The following RBMS3 variants were observed in gnomAD, a reference collection of about 807,000 sequenced individuals.
The protein encoded by RBMS3 is RNA-binding motif, single-stranded-interacting protein 3.
A neutral mutation model predicts 66.8 loss-of-function variants in RBMS3; 27 were observed. The ratio of observed to expected loss-of-function variants is 0.40; its 90% confidence interval spans 0.30 to 0.56. RBMS3 has a LOEUF of 0.56. Among genes scored for constraint, RBMS3 ranks in the 20% least tolerant of loss-of-function variants. The probability of loss-of-function intolerance (pLI) is 0.40; values close to 1 mark genes in which losing one functional copy is unlikely to be tolerated. For missense variants in RBMS3, 513 were observed against 549.5 expected (o/e 0.93, Z 0.66); for synonymous variants, 188 against 183.0 (o/e 1.03, Z -0.22).
intron 4 of RBMS3, among the ~76,000 whole-genome samples, chr3:29,666,823 T>C (rs1404288173): frequency 6.6e-6 from 1 of 152,164 alleles, no homozygotes; most frequent in Non-Finnish European, 1.5e-5. Flanking sequence ...AGCATGCTTA[T>C]ACAAATGGGA....
chr3:29,667,310 G>T (rs759835395), intron 4 of RBMS3, among the ~76,000 whole-genome samples: 5 of 151,968 alleles, frequency 3.3e-5, no homozygotes, highest in Non-Finnish European at 5.9e-5. Flanking sequence ...TTTAATTCTC[G>T]GGCATTCTCT....
At chr3:29,724,722 G>A (rs1024948202) in intron 4 of RBMS3, among the ~76,000 whole-genome samples, 20 of 152,100 alleles carry the variant, frequency 1.3e-4, no homozygotes, top group Admixed American at 5.2e-4. Flanking sequence ...CTGAGACACC[G>A]TTTAAAAATA....
intron 4 of RBMS3, among the ~76,000 whole-genome samples, chr3:29,644,299 G>T (rs1300897352): frequency 6.6e-6 from 1 of 152,168 alleles, no homozygotes; most frequent in Admixed American, 6.5e-5. Flanking sequence ...TTTTGAACGG[G>T]TTTCAATCAC....
intron 10 of RBMS3, among the ~76,000 whole-genome samples, chr3:29,914,115 G>A (rs960493842): frequency 1.3e-5 from 2 of 151,898 alleles, no homozygotes; most frequent in African/African-American, 4.8e-5. Flanking sequence ...TTTATATGAG[G>A]TTATTCAGAG....
chr3:29,607,655 T>C (rs540919673), intron 4 of RBMS3, among the ~76,000 whole-genome samples: 6 of 152,104 alleles, frequency 3.9e-5, no homozygotes, highest in South Asian at 2.1e-4. Context: ...TGATTTTTTT[T>C]CCCAAATACC....
chr3:29,728,242 A>G (rs1446186793), intron 4 of RBMS3, among the ~76,000 whole-genome samples: 1 of 152,140 alleles, frequency 6.6e-6, no homozygotes, highest in Non-Finnish European at 1.5e-5. Context: ...GGATTGGGAC[A>G]AATACCTAAC....
intron 12 of RBMS3, among the ~76,000 whole-genome samples, chr3:29,971,104 C>T (rs1320026554): frequency 6.6e-6 from 1 of 152,144 alleles, no homozygotes; most frequent in Non-Finnish European, 1.5e-5. Flanking sequence ...TCTCTCTTCC[C>T]ATCTTTCTTA....
chr3:29,281,459 G>T lies in RBMS3; in HGVS notation c.-223G>T, dbSNP rs866752618. ...GCTGTGTGTGGGTGTTTTTTCTACA[G>T]ATCTCACTCCTCGCCCTTTTTTTTT... is the stretch of plus-strand genomic sequence containing the variant. On this transcript the variant is annotated 5_prime_UTR_variant, in exon 1 of 15. Transcript: ENST00000383767. 18 of 547,674 alleles carry T rather than the reference G, an allele frequency of 3.3e-5. No homozygotes were observed. The African/African-American group carries it at 3.4e-4, about 10-fold the overall frequency. 33.9% of individuals were successfully genotyped at this position (547,674 alleles called of 1,614,324 possible). A position where few individuals can be genotyped will look rare whatever the true frequency, so the allele number is the denominator to read the frequency against.
chr3:29,826,544 C>T (rs1288773809), intron 6 of RBMS3, among the ~76,000 whole-genome samples: 1 of 152,174 alleles, frequency 6.6e-6, no homozygotes, highest in Non-Finnish European at 1.5e-5. Flanking sequence ...CTACCACAAA[C>T]TGGGTGGCTT....
chr3:29,398,435 G>A (rs922380374), intron 1 of RBMS3, among the ~76,000 whole-genome samples: 3 of 152,156 alleles, frequency 2.0e-5, no homozygotes, highest in African/African-American at 7.2e-5. Flanking sequence ...AAGGACAAGT[G>A]TCTCCTCAAC....
intron 4 of RBMS3, among the ~76,000 whole-genome samples, chr3:29,618,589 G>A (rs1263728718): frequency 6.6e-6 from 1 of 151,982 alleles, no homozygotes; most frequent in Non-Finnish European, 1.5e-5. Context: ...GGTCCTTTGT[G>A]GGTGGGGATA....
intron 1 of RBMS3, among the ~76,000 whole-genome samples, chr3:29,385,989 C>T (rs749580924): frequency 6.6e-6 from 1 of 152,096 alleles, no homozygotes; most frequent in Non-Finnish European, 1.5e-5. Context: ...GCTTAGATTT[C>T]GTGAAAAGCC....
chr3:29,858,189 A>G (rs1054016904), intron 6 of RBMS3, among the ~76,000 whole-genome samples: 1 of 151,972 alleles, frequency 6.6e-6, no homozygotes, highest in African/African-American at 2.4e-5. Flanking sequence ...AATTTTTTAC[A>G]TGTCCTTTTT....
chr3:29,488,760 A>G (rs1426615121), intron 3 of RBMS3, among the ~76,000 whole-genome samples: 1 of 152,314 alleles, frequency 6.6e-6, no homozygotes, highest in East Asian at 1.9e-4. Context: ...ACCTCCTAAC[A>G]ACTTTGGGGT....
In RBMS3 at chr3:29,562,313, C is replaced by T. The variant is rs556014495; in HGVS notation, c.308-24801C>T. The stretch of plus-strand genomic sequence containing the variant: ...TAACTATTTTCACCCAGGCTTACTG[C>T]TGCCCGATCTTCTGATTGTTAAAGA... On this transcript the variant is annotated intron_variant, in intron 3 of 14. Coordinates refer to ENST00000383767, the MANE Select transcript of RBMS3 (RefSeq NM_001003793.3). Among the ~76,000 whole-genome samples, 6 of 152,226 alleles carry T rather than the reference C, an allele frequency of 3.9e-5. No individual in the cohort carries two copies. The South Asian group carries it at 1.0e-3, about 26-fold the overall frequency.
intron 1 of RBMS3, among the ~76,000 whole-genome samples, chr3:29,345,986 T>G (rs927218692): frequency 6.6e-6 from 1 of 152,194 alleles, no homozygotes; most frequent in Non-Finnish European, 1.5e-5. Flanking sequence ...TACTGCAAAG[T>G]TTAAAACTAT....
chr3:29,688,638 A>C (rs1284868129), intron 4 of RBMS3, among the ~76,000 whole-genome samples: 1 of 119,040 alleles, frequency 8.4e-6, no homozygotes, highest in African/African-American at 3.4e-5. Context: ...GCTGGAGTGC[A>C]ATGGTGTGGT....
chr3:29,355,776 G>T (rs1559511921), intron 1 of RBMS3, among the ~76,000 whole-genome samples: 1 of 152,020 alleles, frequency 6.6e-6, no homozygotes, highest in East Asian at 1.9e-4. Context: ...AAAAATCATA[G>T]TGGAAATTAC....
intron 6 of RBMS3, among the ~76,000 whole-genome samples, chr3:29,778,964 A>G (rs1302063677): frequency 4.0e-5 from 6 of 151,870 alleles, no homozygotes; most frequent in African/African-American, 7.2e-5. Flanking sequence ...AACTTGGAGG[A>G]CCAACCTTCT....
Sources: gnomAD v4.1 joint callset for allele counts (sites outside exome capture counted in the v4.1 genomes callset) on GRCh38, gnomAD v4.1.1 for gene constraint, MANE v1.5 for transcripts, NCBI Gene and HGNC (gene_info 2026-07-23, HGNC 2026-07-21) for gene names.